The following RBFOX1 variants were observed in gnomAD, a reference collection of about 807,000 sequenced individuals.
The protein encoded by RBFOX1 is RNA binding protein fox-1 homolog 1.
In RBFOX1, 8 loss-of-function variants were observed where a neutral mutation model predicts 57.7. That is an observed-to-expected ratio of 0.14 (90% CI 0.08 to 0.25). RBFOX1 has a LOEUF of 0.25. Ranked by LOEUF, RBFOX1 falls within the 10% of genes least tolerant of loss-of-function variation. The probability of loss-of-function intolerance (pLI) is 1.00; values close to 1 mark genes in which losing one functional copy is unlikely to be tolerated. For missense variants in RBFOX1, 611 were observed against 548.5 expected, an observed-to-expected ratio of 1.11 and a Z score of -1.14; for synonymous variants, 326 against 222.4, an observed-to-expected ratio of 1.47 and a Z score of -4.15.
intron 2 of RBFOX1, among the ~76,000 whole-genome samples, chr16:6,557,045 ACAT>A (rs202123810): frequency 0.011 from 1,384 of 131,550 alleles, 34 homozygotes; most frequent in African/African-American, 0.045. Context: ...ACATATATAT[ACAT>A]ATATATACAT....
At chr16:7,161,872 G>T (rs2078397189) in intron 4 of RBFOX1, among the ~76,000 whole-genome samples, 3 of 152,224 alleles carry the variant, frequency 2.0e-5, no homozygotes, top group South Asian at 2.1e-4. Context: ...TCCATTTGCA[G>T]TGCCCAGAAT....
At chr16:6,833,170 T>C (rs1039270396) in intron 3 of RBFOX1, among the ~76,000 whole-genome samples, 1 of 151,904 alleles carries the variant, frequency 6.6e-6, no homozygotes, top group African/African-American at 2.4e-5. Context: ...TTTATTTTTA[T>C]TTATTTATTT....
Position 6,083,250 on chromosome 16 carries a change from G to A in RBFOX1, c.-127+63258G>A, listed in dbSNP as rs549140021. ...ACTCCTGACCTGAAGTGATCTGCCC[G>A]CCTCGGCCTCCCAAAGTTCTAGGAT... On this transcript the variant is annotated intron_variant, in intron 1 of 15. Coordinates refer to ENST00000550418, the MANE Select transcript of RBFOX1 (RefSeq NM_018723.4). 1.1e-4 allele frequency among the ~76,000 whole-genome samples: 16 copies of A among 152,188 alleles called. No individual in the cohort carries two copies. The South Asian group carries it at 3.1e-3, about 30-fold the overall frequency.
At chr16:7,371,477 CGG>C (rs1276658333) in intron 4 of RBFOX1, among the ~76,000 whole-genome samples, 1 of 152,112 alleles carries the variant, frequency 6.6e-6, no homozygotes, top group African/African-American at 2.4e-5. Flanking sequence ...TGGCCAGGTG[CGG>C]TGGCTCACGC....
At chr16:7,632,993 A>G (rs985535397) in intron 11 of RBFOX1, among the ~76,000 whole-genome samples, 8 of 152,344 alleles carry the variant, frequency 5.3e-5, no homozygotes, top group Admixed American at 3.9e-4. Context: ...TATTTCCCAA[A>G]TTCTCCATAA....
In RBFOX1 at chr16:7,047,965, C is replaced by G. The variant is rs978204435; in HGVS notation, c.-15-4092C>G. 5.1e-4 allele frequency among the ~76,000 whole-genome samples: 72 copies of G among 142,334 alleles called. No individual in the cohort carries two copies. In the Middle Eastern group the frequency reaches 0.011, roughly 22 times the overall value. The allele number at this position is 142,334 out of a possible 152,430, so 93.4% of individuals were successfully genotyped here. Reference sequence around the variant, plus strand: ...GCAGTCTTTACTCACTGCAACCTCCCCCTGCCGGGTTCAAGCGATTCTCCT... The same window carrying G: ...GCAGTCTTTACTCACTGCAACCTCCGCCTGCCGGGTTCAAGCGATTCTCCT... On this transcript the variant is annotated intron_variant, in intron 3 of 15. Coordinates refer to ENST00000550418, the MANE Select transcript of RBFOX1 (RefSeq NM_018723.4).
At chr16:5,599,287 C>G in exon 3 of RBFOX1, 2 of 641,156 alleles carry the variant, frequency 3.1e-6, no homozygotes, top group South Asian at 1.8e-5. Context: ...CCTGGTGTGA[C>G]GGCCCCAGGT....
chr16:6,614,445 T>A (rs865835242), intron 2 of RBFOX1, among the ~76,000 whole-genome samples: 2 of 152,206 alleles, frequency 1.3e-5, no homozygotes, highest in Non-Finnish European at 2.9e-5. Flanking sequence ...GACCTGCTTT[T>A]TCCTGCCCAG....
At chr16:5,284,497 A>G (rs913618817) in intron 1 of RBFOX1, among the ~76,000 whole-genome samples, 1 of 151,580 alleles carries the variant, frequency 6.6e-6, no homozygotes, top group African/African-American at 2.4e-5. Context: ...AACAAACAAG[A>G]CACAAACAAA....
At chr16:6,039,965 T>C (rs2095418553) in intron 1 of RBFOX1, among the ~76,000 whole-genome samples, 1 of 152,160 alleles carries the variant, frequency 6.6e-6, no homozygotes, top group South Asian at 2.1e-4. Context: ...TGTGCCATGA[T>C]AGAGAGGTGC....
intron 3 of RBFOX1, among the ~76,000 whole-genome samples, chr16:6,929,570 C>T (rs779521042): frequency 6.6e-6 from 1 of 152,080 alleles, no homozygotes; most frequent in Non-Finnish European, 1.5e-5. Flanking sequence ...GGGAAGAGGT[C>T]TGCATGGGGC....
chr16:5,617,754 G>C (rs1255883782), intron 3 of RBFOX1, among the ~76,000 whole-genome samples: 1 of 152,138 alleles, frequency 6.6e-6, no homozygotes, highest in Non-Finnish European at 1.5e-5. Context: ...CTGTGAACGG[G>C]AAAAACAAGG....
intron 1 of RBFOX1, chr16:6,092,592 C>T (rs557264831): frequency 2.0e-5 from 3 of 152,342 alleles, no homozygotes; most frequent in South Asian, 2.1e-4. Flanking sequence ...GGTCCAGTTA[C>T]AGTCTTCTGC....
chr16:6,925,109 G>GTTTTTTTTTTTTTTTTTTTTTTTT lies in RBFOX1; in HGVS notation c.-15-126929_-15-126906dup, dbSNP rs57556084. ...TCGTTGTTGGACATCTAGGTTGTTGGTTTTTTTTTTTTTTTTTTTTTTTTT... is the reference window on the plus strand; with the variant it reads ...TCGTTGTTGGACATCTAGGTTGTTGGTTTTTTTTTTTTTTTTTTTTTTTTTTTTTTTTTTTTTTTTTTTTTTTTT... On this transcript the variant is annotated intron_variant, in intron 3 of 15. Transcript: ENST00000550418. 1.3e-4 allele frequency among the ~76,000 whole-genome samples: 6 copies of GTTTTTTTTTTTTTTTTTTTTTTTT among 45,250 alleles called. 2 individuals are homozygous for GTTTTTTTTTTTTTTTTTTTTTTTT. Among genetic ancestry groups the GTTTTTTTTTTTTTTTTTTTTTTTT allele is most frequent in the African/African-American group, 5.3e-4 (6 of 11,332 alleles). The allele number at this position is 45,250 out of a possible 152,430, so 29.7% of individuals were successfully genotyped here. A position where few individuals can be genotyped will look rare whatever the true frequency, so the allele number is the denominator to read the frequency against.
At chr16:6,032,246 G>A (rs1596526026) in intron 1 of RBFOX1, among the ~76,000 whole-genome samples, 2 of 152,096 alleles carry the variant, frequency 1.3e-5, no homozygotes, top group Admixed American at 1.3e-4. Flanking sequence ...GCCTAGGTAG[G>A]GTGTGGTCCC....
At position 6,478,429 on chromosome 16, in the gene RBFOX1, A is replaced by ATTTTTTTTTT. The variant is rs58352204; in HGVS notation, c.-64+161381_-64+161390dup. ...TATATATATATATATATATATATATATTTTTTTTTTTTTTTTTTGTATTTT... is the reference window on the plus strand; with the variant it reads ...TATATATATATATATATATATATATATTTTTTTTTTTTTTTTTTTTTTTTTTTTGTATTTT... On this transcript the variant is annotated intron_variant, in intron 2 of 15. Transcript: ENST00000550418. 1.0e-3 allele frequency among the ~76,000 whole-genome samples: 25 copies of ATTTTTTTTTT among 24,612 alleles called. 1 individual carries two copies. The highest frequency in any genetic ancestry group is 2.5e-3 in the South Asian group (1 of 398). The allele number at this position is 24,612 out of a possible 152,430, so 16.1% of individuals were successfully genotyped here.
chr16:6,893,591 T>C (rs182206944), intron 3 of RBFOX1, among the ~76,000 whole-genome samples: 28 of 152,108 alleles, frequency 1.8e-4, no homozygotes, highest in Admixed American at 1.4e-3. Context: ...ACAAAGAATC[T>C]CCTCTCCAGT....
At chr16:5,480,754 C>T (rs904317786) in intron 2 of RBFOX1, among the ~76,000 whole-genome samples, 3 of 152,202 alleles carry the variant, frequency 2.0e-5, no homozygotes, top group African/African-American at 4.8e-5. Context: ...GAGCCCCTTC[C>T]AGATCAGCAG....
chr16:7,649,458 G>A lies in RBFOX1; in HGVS notation c.758-4357G>A, dbSNP rs118056373. On this transcript the variant is annotated intron_variant, in intron 11 of 15. Coordinates refer to ENST00000550418, the MANE Select transcript of RBFOX1 (RefSeq NM_018723.4). Reference sequence around the variant, plus strand: ...AGAGGCCAGGAATACCTAACTTTCTGGAAATGTAGTCCAGCATGTCTTGGC... The same window carrying A: ...AGAGGCCAGGAATACCTAACTTTCTAGAAATGTAGTCCAGCATGTCTTGGC... Among the ~76,000 whole-genome samples the A allele has an allele frequency of 8.9e-4, 135 of 152,258 alleles. 1 individual carries two copies. In the East Asian group the frequency reaches 0.02, roughly 23 times the overall value.
Sources: gnomAD v4.1 joint callset for allele counts (sites outside exome capture counted in the v4.1 genomes callset) on GRCh38, gnomAD v4.1.1 for gene constraint, MANE v1.5 for transcripts, NCBI Gene and HGNC (gene_info 2026-07-23, HGNC 2026-07-21) for gene names.